The following EYS variants were observed in gnomAD, a reference collection of about 807,000 sequenced individuals.
EYS encodes EGF-like photoreceptor maintenance factor.
In EYS, 250 loss-of-function variants were observed where a neutral mutation model predicts 282.1. The ratio of observed to expected loss-of-function variants is 0.89; its 90% CI spans 0.80 to 0.98. The LOEUF (loss-of-function observed/expected upper bound fraction) is 0.98. Ranked by LOEUF, EYS falls within the 50% of genes least tolerant of loss-of-function variation. The pLI is 0.00. For missense variants in EYS, 4,016 were observed against 3,709.0 expected (o/e 1.08, Z -2.15); for synonymous variants, 1,355 against 1,282.9 (o/e 1.06, Z -1.20).
intron 5 of EYS, among the ~76,000 whole-genome samples, chr6:65,484,775 G>A (rs1159134750): frequency 1.3e-5 from 2 of 152,180 alleles, no homozygotes. Context: ...GTATGTTCTT[G>A]CTATAGAGGT....
intron 1 of EYS, among the ~76,000 whole-genome samples, chr6:65,699,560 T>C (rs1769581977): frequency 2.6e-5 from 4 of 152,130 alleles, no homozygotes; most frequent in Non-Finnish European, 5.9e-5. Flanking sequence ...CATGAACATG[T>C]ATAGTAGCTG....
At chr6:63,867,915 C>T (rs1772707134) in intron 35 of EYS, among the ~76,000 whole-genome samples, 1 of 152,136 alleles carries the variant, frequency 6.6e-6, no homozygotes, top group Admixed American at 6.6e-5. Context: ...AAACCCATCC[C>T]TCTGAGACAA....
chr6:64,176,423 T>TA (rs996730456), intron 31 of EYS, among the ~76,000 whole-genome samples: 15 of 152,056 alleles, frequency 9.9e-5, no homozygotes, highest in East Asian at 1.9e-4. Flanking sequence ...TTCTTTAAGA[T>TA]AAAAAAAATT....
At chr6:65,446,238 A>C (rs1157989937) in intron 5 of EYS, among the ~76,000 whole-genome samples, 1 of 151,828 alleles carries the variant, frequency 6.6e-6, no homozygotes, top group African/African-American at 2.4e-5. Flanking sequence ...GTTTTAGAAA[A>C]AACAATAAAA....
At chr6:64,076,600 C>T (rs1562188033) in intron 32 of EYS, among the ~76,000 whole-genome samples, 1 of 151,814 alleles carries the variant, frequency 6.6e-6, no homozygotes, top group Non-Finnish European at 1.5e-5. Context: ...TAAGGAGTTT[C>T]CCCTTTTGCT....
chr6:64,564,569 C>G (rs748648486), intron 26 of EYS, among the ~76,000 whole-genome samples: 1 of 152,064 alleles, frequency 6.6e-6, no homozygotes, highest in Non-Finnish European at 1.5e-5. Flanking sequence ...GCGTGAGCCA[C>G]CATGCCCAGC....
intron 31 of EYS, among the ~76,000 whole-genome samples, chr6:64,188,097 T>A (rs1286763753): frequency 1.3e-5 from 2 of 152,096 alleles, no homozygotes; most frequent in Admixed American, 6.6e-5. Context: ...CCAAATTTGT[T>A]TTCTCTTATT....
intron 26 of EYS, among the ~76,000 whole-genome samples, chr6:64,560,100 T>C (rs2149811101): frequency 6.6e-6 from 1 of 152,262 alleles, no homozygotes; most frequent in South Asian, 2.1e-4. Context: ...TATTTCTGTA[T>C]CTTATTCCAT....
chr6:64,117,880 C>T (rs1395547509), intron 31 of EYS, among the ~76,000 whole-genome samples: 1 of 151,770 alleles, frequency 6.6e-6, no homozygotes, highest in Admixed American at 6.6e-5. Context: ...AATCAACATA[C>T]AAAAATAAGT....
chr6:64,997,691 A>G lies in EYS; in HGVS notation c.2150T>C (p.Phe717Ser). 4.5e-6 allele frequency: 7 copies of G among 1,551,022 alleles called. No individual in the cohort carries two copies. The highest frequency in any genetic ancestry group is 6.1e-6 in the Non-Finnish European group (7 of 1,146,482). Reference sequence around the variant, plus strand: ...ATAGCCTGGATTGCATAAGCAGGAAAAGCCATCAACCACTGGAAACAACAG... The same window carrying G: ...ATAGCCTGGATTGCATAAGCAGGAAGAGCCATCAACCACTGGAAACAACAG... The part of the protein sequence containing the change: ...CVPPFKVVDG[F>S]SCLCNPGYVG... The change falls in exon 14 of 43, where the codon TTT (phenylalanine) becomes TCT (serine). Residue 717 changes from phenylalanine to serine, a missense_variant. Coordinates refer to ENST00000503581, the MANE Select transcript of EYS (RefSeq NM_001142800.2).
intron 35 of EYS, among the ~76,000 whole-genome samples, chr6:63,925,608 T>C (rs933351332): frequency 3.3e-5 from 5 of 152,224 alleles, no homozygotes; most frequent in Admixed American, 3.3e-4. Context: ...TGTGCCATGG[T>C]GGTTTGCTGT....
intron 5 of EYS, among the ~76,000 whole-genome samples, chr6:65,445,089 TG>T (rs1447647881): frequency 7.0e-6 from 1 of 143,092 alleles, no homozygotes; most frequent in African/African-American, 2.4e-5. Context: ...AGTTAGTACC[TG>T]AAAAAAAAAA....
At chr6:64,932,704 A>G (rs2150087946) in intron 15 of EYS, among the ~76,000 whole-genome samples, 1 of 152,164 alleles carries the variant, frequency 6.6e-6, no homozygotes, top group Non-Finnish European at 1.5e-5. Context: ...TGCCTGGCTG[A>G]GCATTGAAGA....
rs1291064238 is a variant in EYS at position 63,844,756 on chromosome 6, A to G, written c.7228+19430T>C. ...TTAAGTTCCTTATAGATTCTGGATA[A>G]TAGTCCTTTGTCAGATGGATAGATT... On this transcript the variant is annotated intron_variant, in intron 36 of 42. Transcript: ENST00000503581. Among the ~76,000 whole-genome samples the G allele has an allele frequency of 2.0e-5, 3 of 151,840 alleles. No homozygotes were observed. In the East Asian group the frequency reaches 5.8e-4, roughly 29 times the overall value.
At chr6:65,172,383 G>C (rs914798213) in intron 12 of EYS, among the ~76,000 whole-genome samples, 1 of 151,142 alleles carries the variant, frequency 6.6e-6, no homozygotes, top group Admixed American at 6.6e-5. Flanking sequence ...TTTGACAAAG[G>C]GGCATACATA....
At chr6:64,390,481 G>A (rs1773083075) in intron 28 of EYS, among the ~76,000 whole-genome samples, 1 of 151,566 alleles carries the variant, frequency 6.6e-6, no homozygotes, top group African/African-American at 2.4e-5. Flanking sequence ...CCCCGGAGCA[G>A]CCTAACTGGG....
chr6:64,649,276 A>G (rs1429971033), intron 22 of EYS, among the ~76,000 whole-genome samples: 4 of 145,708 alleles, frequency 2.7e-5, no homozygotes, highest in African/African-American at 1.0e-4. Flanking sequence ...TATTTGTTAA[A>G]TCCATACTTG....
intron 26 of EYS, among the ~76,000 whole-genome samples, chr6:64,518,757 G>A (rs550181166): frequency 1.2e-4 from 18 of 149,900 alleles, no homozygotes; most frequent in Non-Finnish European, 2.1e-4. Context: ...AAACTCTAAT[G>A]AGCTCTGACG....
chr6:63,882,743 A>C (rs1395235543), intron 35 of EYS, among the ~76,000 whole-genome samples: 1 of 152,200 alleles, frequency 6.6e-6, no homozygotes, highest in Non-Finnish European at 1.5e-5. Context: ...GAGAGTTTTC[A>C]GTGGAATTAA....
Sources: allele counts gnomAD v4.1 joint callset (sites outside exome capture counted in the v4.1 genomes callset), GRCh38; gene constraint gnomAD v4.1.1; transcripts MANE v1.5; gene names NCBI Gene and HGNC (gene_info 2026-07-23, HGNC 2026-07-21).